Variants in NTM observed in about 807,000 individuals in gnomAD.
The protein encoded by NTM is IgLON family member 2.
In NTM, 13 loss-of-function variants were observed where a neutral mutation model predicts 42.1. The ratio of observed to expected loss-of-function variants is 0.31; its 90% confidence interval spans 0.20 to 0.49. NTM has a LOEUF of 0.49. Among genes scored for constraint, NTM ranks in the 20% least tolerant of loss-of-function variants. The pLI is 0.99. For missense variants in NTM, 373 were observed against 452.8 expected (o/e 0.82, Z 1.60); for synonymous variants, 187 against 179.2 (o/e 1.04, Z -0.35).
chr11:131,374,207 G>T (rs1015036384), intron 1 of NTM, among the ~76,000 whole-genome samples: 1 of 152,216 alleles, frequency 6.6e-6, no homozygotes, highest in Non-Finnish European at 1.5e-5. Flanking sequence ...CAGGCTTGGG[G>T]CTGCCAACTT....
intron 1 of NTM, among the ~76,000 whole-genome samples, chr11:131,516,386 A>AT (rs1002565772): frequency 3.3e-5 from 5 of 151,772 alleles, no homozygotes; most frequent in African/African-American, 1.2e-4. Flanking sequence ...TTTTCTTTTT[A>AT]TTTTTTTATT....
At chr11:131,488,747 C>G (rs1284803368) in intron 1 of NTM, among the ~76,000 whole-genome samples, 1 of 152,146 alleles carries the variant, frequency 6.6e-6, no homozygotes, top group Admixed American at 6.5e-5. Flanking sequence ...ATTATTACAT[C>G]AAACCAAAAT....
At chr11:131,571,784 A>G (rs2057463294) in intron 1 of NTM, among the ~76,000 whole-genome samples, 1 of 152,204 alleles carries the variant, frequency 6.6e-6, no homozygotes, top group Non-Finnish European at 1.5e-5. Context: ...ATCCTGTACT[A>G]TTTAATTAAG....
At chr11:131,623,415 T>C (rs2062774244) in intron 1 of NTM, among the ~76,000 whole-genome samples, 1 of 152,244 alleles carries the variant, frequency 6.6e-6, no homozygotes, top group South Asian at 2.1e-4. Flanking sequence ...ATTCCATAAC[T>C]AAAGCCCTTG....
chr11:131,822,383 G>A (rs1358567698), intron 1 of NTM, among the ~76,000 whole-genome samples: 2 of 152,126 alleles, frequency 1.3e-5, no homozygotes, highest in Non-Finnish European at 2.9e-5. Context: ...AAACAACAAT[G>A]TTTTCTATAC....
At chr11:131,529,405 T>A (rs1468386044) in intron 1 of NTM, among the ~76,000 whole-genome samples, 1 of 152,174 alleles carries the variant, frequency 6.6e-6, no homozygotes, top group East Asian at 1.9e-4. Context: ...ACTTTGAACC[T>A]TGAGGGAAAA....
At chr11:132,316,545 G>C (rs190012911) in intron 7 of NTM, among the ~76,000 whole-genome samples, 1 of 152,150 alleles carries the variant, frequency 6.6e-6, no homozygotes, top group South Asian at 2.1e-4. Context: ...CAAGATGAGT[G>C]GGGTACATGT....
At chr11:131,698,484 A>G (rs1475912220) in intron 1 of NTM, among the ~76,000 whole-genome samples, 1 of 152,210 alleles carries the variant, frequency 6.6e-6, no homozygotes, top group Non-Finnish European at 1.5e-5. Flanking sequence ...TTTCACCCGC[A>G]TAACAACACG....
At chr11:132,194,350 T>TA (rs776130790) in intron 3 of NTM, among the ~76,000 whole-genome samples, 43 of 151,490 alleles carry the variant, frequency 2.8e-4, no homozygotes, top group East Asian at 5.8e-4. Flanking sequence ...TAAATAGAAT[T>TA]AAAAAAAACA....
chr11:131,881,752 G>T (rs2049567266), intron 1 of NTM, among the ~76,000 whole-genome samples: 1 of 152,194 alleles, frequency 6.6e-6, no homozygotes, highest in Non-Finnish European at 1.5e-5. Context: ...CAATTATTGA[G>T]TACCTTGTCT....
intron 3 of NTM, among the ~76,000 whole-genome samples, chr11:132,208,209 C>T: frequency 6.6e-6 from 1 of 152,194 alleles, no homozygotes. Flanking sequence ...GATGGCTTAG[C>T]TAAAACCACA....
At chr11:131,686,278 A>G (rs191795002) in intron 1 of NTM, among the ~76,000 whole-genome samples, 1 of 152,252 alleles carries the variant, frequency 6.6e-6, no homozygotes, top group Non-Finnish European at 1.5e-5. Context: ...TCAAAAATTT[A>G]AGTCCTAATA....
intron 3 of NTM, among the ~76,000 whole-genome samples, chr11:132,156,211 C>T (rs2073155846): frequency 6.6e-6 from 1 of 152,102 alleles, no homozygotes; most frequent in South Asian, 2.1e-4. Flanking sequence ...AGTTGATAGT[C>T]CTGGAGGCCA....
chr11:132,052,756 C>T (rs1394113381), intron 2 of NTM, among the ~76,000 whole-genome samples: 1 of 146,576 alleles, frequency 6.8e-6, no homozygotes, highest in Non-Finnish European at 1.5e-5. Flanking sequence ...TCTTCACAAA[C>T]GTATTTTCCA....
chr11:131,551,096 C>G (rs1002072960), intron 1 of NTM, among the ~76,000 whole-genome samples: 1 of 152,148 alleles, frequency 6.6e-6, no homozygotes, highest in Middle Eastern at 3.2e-3. Context: ...GACTTGAGCT[C>G]CTAGGCTCAA....
At chr11:131,533,414 A>G (rs576035135) in intron 1 of NTM, among the ~76,000 whole-genome samples, 7 of 152,346 alleles carry the variant, frequency 4.6e-5, no homozygotes, top group East Asian at 1.9e-4. Context: ...TGTGTCTGTT[A>G]CACCAGCCCA....
At chr11:131,552,750 G>A (rs1024478607) in intron 1 of NTM, among the ~76,000 whole-genome samples, 4 of 149,724 alleles carry the variant, frequency 2.7e-5, no homozygotes, top group African/African-American at 4.9e-5. Context: ...CCCGGGAGGC[G>A]GAGCTTGCAG....
chr11:132,072,465 A>G (rs1160510973), intron 2 of NTM, among the ~76,000 whole-genome samples: 1 of 152,178 alleles, frequency 6.6e-6, no homozygotes, highest in East Asian at 1.9e-4. Flanking sequence ...GTGAGTAATT[A>G]ACTAACCATG....
At chr11:132,016,240 A>G (rs1157875713) in intron 2 of NTM, among the ~76,000 whole-genome samples, 1 of 151,674 alleles carries the variant, frequency 6.6e-6, no homozygotes, top group Admixed American at 6.6e-5. Flanking sequence ...ACAATCAATG[A>G]TTTTTTAAAG....
Sources: allele counts gnomAD v4.1 joint callset (sites outside exome capture counted in the v4.1 genomes callset), GRCh38; gene constraint gnomAD v4.1.1; transcripts MANE v1.5; gene names NCBI Gene and HGNC (gene_info 2026-07-23, HGNC 2026-07-21).